Variants in GRIP1 observed in about 807,000 individuals in gnomAD.
The protein encoded by GRIP1 is glutamate receptor interacting protein 1.
In GRIP1, 45 loss-of-function variants were observed where a neutral mutation model predicts 129.9. That is an observed-to-expected ratio of 0.35 (90% CI 0.27 to 0.44). GRIP1 has a LOEUF of 0.44. Ranked by LOEUF, GRIP1 falls within the 20% of genes least tolerant of loss-of-function variation. The probability of loss-of-function intolerance (pLI) is 1.00; values close to 1 mark genes in which losing one functional copy is unlikely to be tolerated. For synonymous variants in GRIP1, 530 were observed against 520.8 expected, an observed-to-expected ratio of 1.02 and a Z score of -0.24; for missense variants, 1,196 against 1,396.8, an observed-to-expected ratio of 0.86 and a Z score of 2.29.
chr12:66,454,867 G>A (rs1039504131), intron 11 of GRIP1, among the ~76,000 whole-genome samples: 1 of 152,180 alleles, frequency 6.6e-6, no homozygotes, highest in African/African-American at 2.4e-5. Context: ...GAGTCTTGGG[G>A]AATGAGATAT....
chr12:66,821,801 C>G (rs2039323661), intron 1 of GRIP1, among the ~76,000 whole-genome samples: 1 of 152,138 alleles, frequency 6.6e-6, no homozygotes, highest in Non-Finnish European at 1.5e-5. Flanking sequence ...GGACTTTCAT[C>G]AGAATAGGGA....
At chr12:66,888,579 T>C (rs898310316) in intron 1 of GRIP1, among the ~76,000 whole-genome samples, 36 of 152,150 alleles carry the variant, frequency 2.4e-4, no homozygotes, top group African/African-American at 8.4e-4. Flanking sequence ...GCCAGGCTGG[T>C]CTCAAACTCC....
intron 1 of GRIP1, among the ~76,000 whole-genome samples, chr12:66,729,234 G>T (rs1002546318): frequency 1.1e-4 from 16 of 151,472 alleles, no homozygotes; most frequent in African/African-American, 2.9e-4. Flanking sequence ...TAAATTTGAT[G>T]GAAAAGGCAC....
Position 66,815,820 on chromosome 12 carries a change from A to ATTTCTTTCTTTCTTTCTTTCTTTTTC in GRIP1, c.59-218894_59-218893insGAAAAAGAAAGAAAGAAAGAAAGAAA, listed in dbSNP as rs1555241748. Among the ~76,000 whole-genome samples, 516 of 118,506 alleles carry ATTTCTTTCTTTCTTTCTTTCTTTTTC rather than the reference A, an allele frequency of 4.4e-3. 10 individuals are homozygous for ATTTCTTTCTTTCTTTCTTTCTTTTTC. Among genetic ancestry groups the ATTTCTTTCTTTCTTTCTTTCTTTTTC allele is most frequent in the African/African-American group, 0.018 (489 of 26,728 alleles). 77.7% of individuals were successfully genotyped at this position (118,506 alleles called of 152,430 possible). A position where few individuals can be genotyped will look rare whatever the true frequency, so the allele number is the denominator to read the frequency against. On this transcript the variant is annotated intron_variant, in intron 1 of 1. Transcript: ENST00000643019. ...GGGAGTGGCTTAAACAAGATGAAAG[A>ATTTCTTTCTTTCTTTCTTTCTTTTTC]TTTCTTTCTTTCTTTCTTTCTTTCT...
chr12:67,022,305 C>A (rs886416270), intron 1 of GRIP1, among the ~76,000 whole-genome samples: 1 of 152,196 alleles, frequency 6.6e-6, no homozygotes, highest in African/African-American at 2.4e-5. Flanking sequence ...ATCCTATCAA[C>A]AGTTACACCA....
At position 66,404,862 on chromosome 12, in the gene GRIP1, T is replaced by A. The variant is rs147228336; in HGVS notation, c.1984+1421A>T. On this transcript the variant is annotated intron_variant, in intron 16 of 24. Transcript: ENST00000359742. ...GCCTGGCCAACATGGCAAAACTCCA[T>A]CTCTACTAAAAATACAACAATTAGC... 1.4e-3 allele frequency among the ~76,000 whole-genome samples: 218 copies of A among 152,140 alleles called. 7 individuals carry two copies. The East Asian group carries it at 0.03, about 21-fold the overall frequency.
At position 66,626,234 on chromosome 12, in the gene GRIP1, G is replaced by GCCCA. The variant is rs1367782744; in HGVS notation, c.56-29308_56-29307insTGGG. Among the ~76,000 whole-genome samples the GCCCA allele has an allele frequency of 5.7e-4, 87 of 151,986 alleles. 2 individuals carry two copies. In the South Asian group the frequency reaches 0.011, roughly 19 times the overall value. On this transcript the variant is annotated intron_variant, in intron 1 of 24. Transcript: ENST00000359742. ...GTGCACCTGTGCTCCCAGCTACTTGGGAGGCTGAGGTGGGTGAATTGCTTG... is the reference window on the plus strand; with the variant it reads ...GTGCACCTGTGCTCCCAGCTACTTGGCCCAGAGGCTGAGGTGGGTGAATTGCTTG...
chr12:67,014,163 G>A (rs1419433041), intron 1 of GRIP1, among the ~76,000 whole-genome samples: 2 of 152,128 alleles, frequency 1.3e-5, no homozygotes, highest in African/African-American at 2.4e-5. Flanking sequence ...ATTTACGTAA[G>A]CCAATAAAAC....
At chr12:66,495,473 CTATAACTAATGAATTCA>C (rs2060211808) in intron 7 of GRIP1, among the ~76,000 whole-genome samples, 1 of 152,044 alleles carries the variant, frequency 6.6e-6, no homozygotes, top group Non-Finnish European at 1.5e-5. Flanking sequence ...GTTTTATAAT[CTATAACTAATGAATTCA>C]TATCTTGGGC....
At chr12:67,047,471 T>C (rs992932452) in intron 1 of GRIP1, among the ~76,000 whole-genome samples, 5 of 152,194 alleles carry the variant, frequency 3.3e-5, no homozygotes, top group African/African-American at 1.2e-4. Flanking sequence ...ATTCCCCTTT[T>C]TATACCCAAA....
intron 1 of GRIP1, among the ~76,000 whole-genome samples, chr12:66,705,251 C>T (rs1358154009): frequency 6.6e-6 from 1 of 152,038 alleles, no homozygotes; most frequent in Admixed American, 6.6e-5. Context: ...AAAGTCAATA[C>T]TCTAAACTGT....
At chr12:66,486,415 C>T (rs1004021547) in intron 7 of GRIP1, among the ~76,000 whole-genome samples, 11 of 152,226 alleles carry the variant, frequency 7.2e-5, no homozygotes, top group South Asian at 2.1e-4. Context: ...TGTGTCCCCA[C>T]CCAAATCTCA....
intron 7 of GRIP1, among the ~76,000 whole-genome samples, chr12:66,507,133 C>T (rs2060551208): frequency 6.6e-6 from 1 of 152,130 alleles, no homozygotes; most frequent in Non-Finnish European, 1.5e-5. Flanking sequence ...ATTGAGATCA[C>T]CTGTAAGAAA....
intron 19 of GRIP1, among the ~76,000 whole-genome samples, chr12:66,385,615 A>T (rs1325138772): frequency 1.3e-5 from 2 of 152,004 alleles, no homozygotes; most frequent in African/African-American, 2.4e-5. Context: ...TTATTTATTT[A>T]TTTATTTATT....
intron 1 of GRIP1, among the ~76,000 whole-genome samples, chr12:66,949,592 T>C (rs952243204): frequency 3.9e-4 from 60 of 152,180 alleles, no homozygotes; most frequent in Non-Finnish European, 3.4e-4. Flanking sequence ...ATTTGTCTTA[T>C]TAAACTGTCT....
intron 1 of GRIP1, among the ~76,000 whole-genome samples, chr12:66,659,018 C>T (rs181280682): frequency 3.9e-5 from 6 of 152,278 alleles, no homozygotes; most frequent in African/African-American, 7.2e-5. Flanking sequence ...GCCTTGCTTA[C>T]CCTGCTCTAG....
intron 1 of GRIP1, among the ~76,000 whole-genome samples, chr12:67,006,214 C>T (rs1390692040): frequency 6.6e-6 from 1 of 152,088 alleles, no homozygotes; most frequent in Non-Finnish European, 1.5e-5. Flanking sequence ...AGTGAAAAAC[C>T]ACTTTCCCAA....
chr12:67,040,787 G>A (rs1348382043), intron 1 of GRIP1, among the ~76,000 whole-genome samples: 1 of 152,154 alleles, frequency 6.6e-6, no homozygotes, highest in Non-Finnish European at 1.5e-5. Flanking sequence ...GTTGGTTACT[G>A]TCATGGTTAG....
intron 1 of GRIP1, among the ~76,000 whole-genome samples, chr12:66,778,332 G>T (rs1197113812): frequency 2.0e-5 from 3 of 152,070 alleles, no homozygotes; most frequent in Non-Finnish European, 4.4e-5. Context: ...AGATAGATAG[G>T]CAGTCATGAA....
Sources: allele counts gnomAD v4.1 joint callset (sites outside exome capture counted in the v4.1 genomes callset), GRCh38; gene constraint gnomAD v4.1.1; transcripts MANE v1.5; gene names NCBI Gene and HGNC (gene_info 2026-07-23, HGNC 2026-07-21).